The following VTI1A variants were observed in gnomAD, a reference collection of about 807,000 sequenced individuals.
VTI1A encodes vesicle transport through interaction with t-SNAREs 1A.
In VTI1A, 22 loss-of-function variants were observed where a neutral mutation model predicts 34.9. The observed-to-expected ratio is 0.63, with a 90% CI of 0.45 to 0.90. The LOEUF (loss-of-function observed/expected upper bound fraction) is 0.90, where lower values mean the gene tolerates loss of function less well. Among genes scored for constraint, VTI1A ranks in the 40% least tolerant of loss-of-function variants. VTI1A has a pLI of 0.00. For synonymous variants in VTI1A, 87 were observed against 97.3 expected (o/e 0.89, Z 0.62); for missense variants, 268 against 275.6 (o/e 0.97, Z 0.20).
At chr10:112,575,903 C>T (rs1189272153) in intron 5 of VTI1A, among the ~76,000 whole-genome samples, 1 of 151,964 alleles carries the variant, frequency 6.6e-6, no homozygotes, top group Non-Finnish European at 1.5e-5. Flanking sequence ...GAATAGCTTC[C>T]AATTAGCAAT....
intron 5 of VTI1A, among the ~76,000 whole-genome samples, chr10:112,631,062 G>A (rs928130381): frequency 2.6e-5 from 4 of 152,116 alleles, no homozygotes; most frequent in East Asian, 1.9e-4. Flanking sequence ...CCGGGAGGTG[G>A]AGGTTGCAGT....
chr10:112,548,038 T>C (rs777213584), intron 5 of VTI1A, among the ~76,000 whole-genome samples: 3 of 152,194 alleles, frequency 2.0e-5, no homozygotes, highest in Non-Finnish European at 2.9e-5. Flanking sequence ...AACAAATGCA[T>C]TTAAATTTTG....
intron 3 of VTI1A, among the ~76,000 whole-genome samples, chr10:112,481,452 A>G (rs1433296919): frequency 6.6e-6 from 1 of 152,214 alleles, no homozygotes; most frequent in African/African-American, 2.4e-5. Flanking sequence ...ATGTCTTCAT[A>G]TGAAGTTTTG....
At chr10:112,525,910 G>A (rs1850206940) in intron 3 of VTI1A, among the ~76,000 whole-genome samples, 1 of 151,920 alleles carries the variant, frequency 6.6e-6, no homozygotes, top group South Asian at 2.1e-4. Flanking sequence ...AAATCATATT[G>A]TTGACATCTG....
intron 3 of VTI1A, 31 bp downstream of exon 3, chr10:112,464,688 A>G (rs189457007): frequency 1.3e-6 from 2 of 1,587,242 alleles, no homozygotes; most frequent in East Asian, 2.4e-5. Context: ...TGTCATATTT[A>G]CTTTTTTTTA....
the VTI1A span, among the ~76,000 whole-genome samples, chr10:112,829,735 C>T: frequency 6.6e-6 from 1 of 152,160 alleles, no homozygotes; most frequent in Non-Finnish European, 1.5e-5. Context: ...GCCTGGGCAA[C>T]AGAGAAAGAC....
intron 7 of VTI1A, among the ~76,000 whole-genome samples, chr10:112,752,923 G>A (rs1851152623): frequency 6.6e-6 from 1 of 151,940 alleles, no homozygotes; most frequent in Non-Finnish European, 1.5e-5. Context: ...TATGATAGAG[G>A]TCTATAATTT....
In VTI1A at chr10:112,727,705, A is replaced by G. The variant is rs142805688; in HGVS notation, c.560+58707A>G. Among the ~76,000 whole-genome samples the G allele has an allele frequency of 3.2e-3, 494 of 152,270 alleles. 4 individuals carry two copies. The highest frequency in any genetic ancestry group is 0.01 in the African/African-American group (425 of 41,554). ...AACTAGAGTGGTCTCAAGTATAATG[A>G]TAGTCACAGTGGGAAGAATATAATT... On this transcript the variant is annotated intron_variant, in intron 7 of 7. Coordinates refer to ENST00000393077, the MANE Select transcript of VTI1A (RefSeq NM_145206.4).
intron 7 of VTI1A, among the ~76,000 whole-genome samples, chr10:112,681,863 T>C (rs1364486955): frequency 1.3e-5 from 2 of 152,244 alleles, no homozygotes; most frequent in Admixed American, 1.3e-4. Flanking sequence ...TAAATTATTT[T>C]ATTGTGGCAT....
In VTI1A at chr10:112,566,748, T is replaced by G. The variant is rs552735622; in HGVS notation, c.427+28418T>G. ...TGGGACTCTGCTTGGATTTCCAGCA[T>G]GTAAGAACTTGCATGCTCCGGGTCA... On this transcript the variant is annotated intron_variant, in intron 5 of 7. Transcript: ENST00000393077. 2.6e-5 allele frequency among the ~76,000 whole-genome samples: 4 copies of G among 152,286 alleles called. No homozygotes were observed. In the East Asian group the frequency reaches 7.7e-4, roughly 29 times the overall value.
intron 5 of VTI1A, among the ~76,000 whole-genome samples, chr10:112,642,048 C>A (rs1385561091): frequency 1.3e-5 from 2 of 152,192 alleles, no homozygotes; most frequent in East Asian, 1.9e-4. Flanking sequence ...GTAATAAATG[C>A]AGTATTCATA....
intron 5 of VTI1A, among the ~76,000 whole-genome samples, chr10:112,606,577 A>T (rs953002068): frequency 5.3e-5 from 8 of 152,152 alleles, no homozygotes; most frequent in Admixed American, 1.3e-4. Flanking sequence ...CCTTGTGCAC[A>T]GCTGGGCCCA....
At chr10:112,728,051 C>T (rs1850104943) in intron 7 of VTI1A, among the ~76,000 whole-genome samples, 1 of 152,124 alleles carries the variant, frequency 6.6e-6, no homozygotes, top group African/African-American at 2.4e-5. Context: ...CAGCAGGCTG[C>T]TGGGGGGACA....
intron 3 of VTI1A, 39 bp from the exon 4 acceptor site, chr10:112,527,048 C>A: frequency 1.3e-6 from 2 of 1,598,970 alleles, no homozygotes; most frequent in South Asian, 1.1e-5. Flanking sequence ...TACTTTCTAA[C>A]GTTCCTCTCA....
chr10:112,702,296 G>GA (rs760636301), intron 7 of VTI1A, among the ~76,000 whole-genome samples: 15 of 152,208 alleles, frequency 9.9e-5, no homozygotes, highest in Admixed American at 6.5e-4. Flanking sequence ...AGCCTTCTAT[G>GA]AAAAAGATAC....
intron 3 of VTI1A, among the ~76,000 whole-genome samples, chr10:112,489,890 C>A (rs1400814439): frequency 1.3e-5 from 2 of 152,136 alleles, no homozygotes; most frequent in African/African-American, 4.8e-5. Flanking sequence ...CCATTTTGAT[C>A]AAATTCCTCA....
At chr10:112,466,407 G>A (rs1305622568) in intron 3 of VTI1A, among the ~76,000 whole-genome samples, 1 of 151,846 alleles carries the variant, frequency 6.6e-6, no homozygotes. Flanking sequence ...TTTAGACTGG[G>A]CTCCTATTAA....
At chr10:112,788,908 C>G (rs1852376275) in intron 7 of VTI1A, among the ~76,000 whole-genome samples, 1 of 151,972 alleles carries the variant, frequency 6.6e-6, no homozygotes, top group Non-Finnish European at 1.5e-5. Flanking sequence ...TGACTTAATT[C>G]TAATAAAATA....
intron 4 of VTI1A, chr10:112,533,575 T>C: frequency 9.9e-7 from 1 of 1,010,502 alleles, no homozygotes; most frequent in Non-Finnish European, 1.2e-6. Context: ...GCTTCTTTTT[T>C]TTTTTTAATT....
Sources: allele counts gnomAD v4.1 joint callset (sites outside exome capture counted in the v4.1 genomes callset), GRCh38; gene constraint gnomAD v4.1.1; transcripts MANE v1.5; gene names NCBI Gene and HGNC (gene_info 2026-07-23, HGNC 2026-07-21).